The following MGMT variants were observed in gnomAD, a reference collection of about 807,000 sequenced individuals.
MGMT encodes O-6-methylguanine-DNA methyltransferase.
MGMT carries 14 observed loss-of-function variants against 15.9 expected under a neutral mutation model. The ratio of observed to expected loss-of-function variants is 0.88; its 90% CI spans 0.58 to 1.37. MGMT has a LOEUF of 1.37. MGMT is among the 40% of genes most tolerant of loss of function. The probability of loss-of-function intolerance (pLI) is 0.00; values close to 1 mark genes in which losing one functional copy is unlikely to be tolerated. For synonymous variants in MGMT, 130 were observed against 118.2 expected, an observed-to-expected ratio of 1.10 and a Z score of -0.65; for missense variants, 282 against 268.1, an observed-to-expected ratio of 1.05 and a Z score of -0.36.
chr10:129,707,046 G>A lies in MGMT; in HGVS notation c.126-849G>A, dbSNP rs372691650. The stretch of plus-strand genomic sequence containing the variant: ...GGGGGCCCACGCGGGCGGATCACCT[G>A]AGGTCAGGAGTTCGAGACCAGCCTG... On this transcript the variant is annotated intron_variant, in intron 2 of 4. Coordinates refer to ENST00000651593, the MANE Select transcript of MGMT (RefSeq NM_002412.5). 2.8e-4 allele frequency among the ~76,000 whole-genome samples: 42 copies of A among 152,234 alleles called. No individual in the cohort carries two copies. The East Asian group carries it at 3.5e-3, about 13-fold the overall frequency.
At chr10:129,746,173 A>T (rs1848692896) in intron 3 of MGMT, among the ~76,000 whole-genome samples, 1 of 149,438 alleles carries the variant, frequency 6.7e-6, no homozygotes, top group African/African-American at 2.5e-5. Context: ...CGGGAGGCAG[A>T]GCTTGCAGTG....
At chr10:129,759,091 A>T (rs1483896103) in intron 3 of MGMT, 111 bp from the exon 4 acceptor site, 1 of 1,341,980 alleles carries the variant, frequency 7.5e-7, no homozygotes, top group Non-Finnish European at 1.0e-6. Flanking sequence ...AATTGAGTAT[A>T]ATACCTCTAT....
intron 2 of MGMT, among the ~76,000 whole-genome samples, chr10:129,672,027 C>G (rs1847730439): frequency 6.6e-6 from 1 of 152,222 alleles, no homozygotes; most frequent in Non-Finnish European, 1.5e-5. Flanking sequence ...AAGAAATGCA[C>G]ATCTACATGA....
chr10:129,486,950 G>C (rs746735735), intron 1 of MGMT, among the ~76,000 whole-genome samples: 5 of 152,218 alleles, frequency 3.3e-5, no homozygotes, highest in Non-Finnish European at 5.9e-5. Context: ...TGTAATAGTG[G>C]TGATAACGTT....
intron 1 of MGMT, among the ~76,000 whole-genome samples, chr10:129,529,991 C>T (rs1227740321): frequency 5.3e-5 from 8 of 152,172 alleles, no homozygotes; most frequent in African/African-American, 1.9e-4. Flanking sequence ...GCCTCGACCT[C>T]CTGGGCTCAA....
chr10:129,755,765 A>G (rs909471529), intron 3 of MGMT, among the ~76,000 whole-genome samples: 1 of 152,222 alleles, frequency 6.6e-6, no homozygotes, highest in East Asian at 1.9e-4. Flanking sequence ...GGCCGTGTGC[A>G]GTGGACGCAC....
Position 129,505,377 on chromosome 10 carries a change from AG to A in MGMT, c.-12-30859del, listed in dbSNP as rs201946761. Among the ~76,000 whole-genome samples, 566 of 152,318 alleles carry A rather than the reference AG, an allele frequency of 3.7e-3. 6 individuals carry two copies. The highest frequency in any genetic ancestry group is 0.033 in the Admixed American group (500 of 15,288). On this transcript the variant is annotated intron_variant, in intron 1 of 4. Transcript: ENST00000651593. ...CTAGTGTGAAGTTACATGTTAAAAT[AG>A]GGGGCTGACAACATATCAAATACCT...
At chr10:129,636,150 C>G (rs59222513) in intron 2 of MGMT, among the ~76,000 whole-genome samples, 12,885 of 152,224 alleles carry the variant, frequency 0.085, 1,577 homozygotes, top group African/African-American at 0.27. Flanking sequence ...ACCTTCACAA[C>G]ACTTTGCTCT....
intron 2 of MGMT, among the ~76,000 whole-genome samples, chr10:129,686,146 C>T (rs11016875): frequency 0.076 from 11,577 of 151,898 alleles, 631 homozygotes; most frequent in African/African-American, 0.14. Context: ...ATGTCCAGAG[C>T]AGCAGAAACA....
intron 1 of MGMT, among the ~76,000 whole-genome samples, chr10:129,519,847 T>C (rs534708106): frequency 5.3e-5 from 8 of 152,134 alleles, no homozygotes; most frequent in Non-Finnish European, 1.2e-4. Context: ...CTCCTGGCAT[T>C]GCTTTGCATT....
chr10:129,626,862 A>C (rs998837636), intron 2 of MGMT, among the ~76,000 whole-genome samples: 1 of 152,228 alleles, frequency 6.6e-6, no homozygotes, highest in East Asian at 1.9e-4. Flanking sequence ...TAAACTGACT[A>C]TGGAGCTGGT....
chr10:129,617,922 C>T (rs1202398324), intron 2 of MGMT, among the ~76,000 whole-genome samples: 1 of 150,810 alleles, frequency 6.6e-6, no homozygotes, highest in Non-Finnish European at 1.5e-5. Flanking sequence ...TGGGAGGAGC[C>T]AAAGGATGGG....
chr10:129,551,331 T>C (rs1241351679), intron 2 of MGMT, among the ~76,000 whole-genome samples: 2 of 152,148 alleles, frequency 1.3e-5, no homozygotes, highest in African/African-American at 2.4e-5. Context: ...TATGGTGTGA[T>C]TGGACTTTCG....
At chr10:129,526,902 A>G (rs1845876631) in intron 1 of MGMT, among the ~76,000 whole-genome samples, 1 of 152,224 alleles carries the variant, frequency 6.6e-6, no homozygotes, top group African/African-American at 2.4e-5. Context: ...GAACATTGTT[A>G]TTTAAACGCC....
At chr10:129,755,904 C>T (rs951831339) in intron 3 of MGMT, among the ~76,000 whole-genome samples, 2 of 152,178 alleles carry the variant, frequency 1.3e-5, no homozygotes, top group African/African-American at 2.4e-5. Context: ...GTCCTCCTGC[C>T]GTGCTCTGGT....
At position 129,638,429 on chromosome 10, in the gene MGMT, C is replaced by CAAAAAA; in HGVS notation, c.126-69455_126-69450dup. ...GAAGTCCAAGAGAGGACCAAAGAGG[C>CAAAAAA]AAAAAAAAAAAAAAAAGAAAAAAAA... is the stretch of plus-strand genomic sequence containing the variant. On this transcript the variant is annotated intron_variant, in intron 2 of 4. Transcript: ENST00000651593. Among the ~76,000 whole-genome samples, 488 of 61,688 alleles carry CAAAAAA rather than the reference C, an allele frequency of 7.9e-3. 11 individuals carry two copies. The highest frequency in any genetic ancestry group is 0.01 in the Admixed American group (46 of 4,562). 40.5% of individuals were successfully genotyped at this position (61,688 alleles called of 152,430 possible). A position where few individuals can be genotyped will look rare whatever the true frequency, so the allele number is the denominator to read the frequency against.
intron 2 of MGMT, among the ~76,000 whole-genome samples, chr10:129,560,953 C>CTGTGTGTG (rs1846269122): frequency 1.0e-5 from 1 of 99,898 alleles, no homozygotes; most frequent in Non-Finnish European, 2.1e-5. Flanking sequence ...CAGTAAAGAG[C>CTGTGTGTG]AGTGTGTGTG....
At position 129,736,897 on chromosome 10, in the gene MGMT, T is replaced by C. The variant is rs569290041; in HGVS notation, c.275-22305T>C. On this transcript the variant is annotated intron_variant, in intron 3 of 4. Coordinates refer to ENST00000651593, the MANE Select transcript of MGMT (RefSeq NM_002412.5). Reference sequence around the variant, plus strand: ...ATGTTGAATATTGGCCCCCATTCTCTTCTGGCTTGTAGAGTTTCTGCCAAG... The same window carrying C: ...ATGTTGAATATTGGCCCCCATTCTCCTCTGGCTTGTAGAGTTTCTGCCAAG... Among the ~76,000 whole-genome samples, 1,123 of 152,372 alleles carry C rather than the reference T, an allele frequency of 7.4e-3. 12 individuals are homozygous for C. Among genetic ancestry groups the C allele is most frequent in the African/African-American group, 0.027 (1,106 of 41,592 alleles).
chr10:129,727,397 G>A (rs969551801), intron 3 of MGMT, among the ~76,000 whole-genome samples: 12 of 152,200 alleles, frequency 7.9e-5, no homozygotes, highest in African/African-American at 1.9e-4. Context: ...AGCCCCAGTC[G>A]AGCCTTCGGA....
Sources: allele counts gnomAD v4.1 joint callset (sites outside exome capture counted in the v4.1 genomes callset), GRCh38; gene constraint gnomAD v4.1.1; transcripts MANE v1.5; gene names NCBI Gene and HGNC (gene_info 2026-07-23, HGNC 2026-07-21).